Variants in B3GNT3 observed in about 807,000 individuals in gnomAD.
B3GNT3 encodes the protein UDP-GlcNAc:betaGal beta-1,3-N-acetylglucosaminyltransferase 3.
In B3GNT3, 7 loss-of-function variants were observed where a neutral mutation model predicts 11.6. The observed-to-expected ratio is 0.60, with a 90% CI of 0.34 to 1.13. The LOEUF (loss-of-function observed/expected upper bound fraction) is 1.13, where lower values mean the gene tolerates loss of function less well. Ranked by LOEUF, B3GNT3 falls within the 50% of genes most tolerant of loss-of-function variation. The pLI is 0.03. For synonymous variants in B3GNT3, 201 were observed against 222.1 expected, an observed-to-expected ratio of 0.90 and a Z score of 0.85; for missense variants, 400 against 507.4, an observed-to-expected ratio of 0.79 and a Z score of 2.03.
At chr19:17,807,673 A>C in intron 1 of B3GNT3, 85 bp from the exon 2 acceptor site, 1 of 826,850 alleles carries the variant, frequency 1.2e-6, no homozygotes, top group South Asian at 1.9e-5. Context: ...AACCTGAGCA[A>C]CTGTACAGGT....
intron 1 of B3GNT3, among the ~76,000 whole-genome samples, chr19:17,803,180 AT>A (rs1428789551): frequency 6.6e-6 from 1 of 151,852 alleles, no homozygotes; most frequent in East Asian, 1.9e-4. Flanking sequence ...TAATTTTTGT[AT>A]TTTTAGTAGA....
At position 17,812,080 on chromosome 19, in the gene B3GNT3, C is replaced by G. The variant is rs2094181858; in HGVS notation, c.1077C>G (p.Asn359Lys). The change falls in exon 3 of 3, where the codon AAC becomes AAG. Residue 359 changes from asparagine (N) to lysine (K), a missense_variant. Coordinates refer to ENST00000318683, the MANE Select transcript of B3GNT3 (RefSeq NM_014256.4). ...TGCTGCTCATGTGGGATGCGCTGAA[C>G]CAGCCCAACCTCACCTGCGGCAATC... ...YEMLLMWDAL[N>K]QPNLTCGNQT... 6.3e-7 allele frequency: 1 copy of G among 1,598,336 alleles called. No homozygotes were observed. The highest frequency in any genetic ancestry group is 1.3e-5 in the African/African-American group (1 of 74,890).
Position 17,811,661 on chromosome 19 carries a change from A to G in B3GNT3, c.658A>G (p.Met220Val), listed in dbSNP as rs142379648. 3,238 of 1,614,166 alleles carry G rather than the reference A, an allele frequency of 2.0e-3. 7 individuals carry two copies. The highest frequency in any genetic ancestry group is 2.3e-3 in the Non-Finnish European group (2,668 of 1,180,022). ...TGACGTCTTTGCACACACAGACAAC[A>G]TGGTCTTCTACCTGCAGGACCATGA... ...DDDVFAHTDN[M>V]VFYLQDHDPG... The change falls in exon 3 of 3, where the codon ATG becomes GTG. Residue 220 changes from methionine (M) to valine (V), a missense_variant. Physicochemically the swap from Met to Val is conservative, Grantham distance 21. Coordinates refer to ENST00000318683, the MANE Select transcript of B3GNT3 (RefSeq NM_014256.4). The surrounding 1 kb of genome is among the most constrained non-coding windows in gnomAD (Gnocchi z 4.1).
chr19:17,812,187 C>A lies in B3GNT3; in HGVS notation c.*65C>A. The A allele has an allele frequency of 6.8e-7, 1 of 1,473,286 alleles. No homozygotes were observed. Among genetic ancestry groups the A allele is most frequent in the South Asian group, 1.3e-5 (1 of 74,274 alleles). The allele number at this position is 1,473,286 out of a possible 1,614,324, so 91.3% of individuals were successfully genotyped here. On this transcript the variant is annotated 3_prime_UTR_variant, in exon 3 of 3. Transcript: ENST00000318683. Reference sequence around the variant, plus strand: ...ATAGGAAGGGGCGACACCTTCCTCCCAGGAAGCTGAGACCTTTGTGGTCTG... The same window carrying A: ...ATAGGAAGGGGCGACACCTTCCTCCAAGGAAGCTGAGACCTTTGTGGTCTG...
intron 1 of B3GNT3, among the ~76,000 whole-genome samples, chr19:17,797,862 C>T (rs1298106985): frequency 1.3e-5 from 2 of 152,224 alleles, no homozygotes; most frequent in Non-Finnish European, 2.9e-5. Flanking sequence ...GCAAAAGCAA[C>T]TCCTGCTCCT....
chr19:17,807,640 G>A (rs1599848149), intron 1 of B3GNT3, 118 bp from the exon 2 acceptor site: 1 of 644,426 alleles, frequency 1.6e-6, no homozygotes, highest in Non-Finnish European at 2.6e-6. Context: ...AGTTAAGTGG[G>A]GGGTGAATTT....
At chr19:17,805,585 C>T (rs993397627) in intron 1 of B3GNT3, among the ~76,000 whole-genome samples, 8 of 152,170 alleles carry the variant, frequency 5.3e-5, no homozygotes, top group Admixed American at 2.6e-4. Context: ...GTCCCAACCA[C>T]GTCAGCCTCC....
chr19:17,801,374 G>A (rs1236776002), intron 1 of B3GNT3, among the ~76,000 whole-genome samples: 2 of 151,254 alleles, frequency 1.3e-5, no homozygotes, highest in South Asian at 2.1e-4. Context: ...TGTATTTTTT[G>A]TAGAGATGGG....
intron 2 of B3GNT3, among the ~76,000 whole-genome samples, chr19:17,809,130 G>A (rs915121587): frequency 2.3e-4 from 35 of 151,028 alleles, no homozygotes; most frequent in African/African-American, 8.5e-4. Context: ...CACTGCGCCC[G>A]GCCAACATCT....
At chr19:17,799,048 T>C (rs2094162669) in intron 1 of B3GNT3, among the ~76,000 whole-genome samples, 1 of 152,198 alleles carries the variant, frequency 6.6e-6, no homozygotes, top group Non-Finnish European at 1.5e-5. Context: ...TGCTTGGAGC[T>C]ACCACTTGAC....
chr19:17,812,558 G>T lies in B3GNT3; in HGVS notation c.*436G>T, dbSNP rs531604646. ...AGCCAGAAACTCCTGTGTCCACATA[G>T]AGCTGACGTGAGAAATATCTTTCAG... On this transcript the variant is annotated 3_prime_UTR_variant, in exon 3 of 3. Coordinates refer to ENST00000318683, the MANE Select transcript of B3GNT3 (RefSeq NM_014256.4). 4.6e-5 allele frequency: 8 copies of T among 174,096 alleles called. No individual in the cohort carries two copies. In the South Asian group the frequency reaches 1.1e-3, roughly 25 times the overall value. The allele number at this position is 174,096 out of a possible 1,614,324, so 10.8% of individuals were successfully genotyped here.
chr19:17,799,050 C>T (rs1353371917), intron 1 of B3GNT3, among the ~76,000 whole-genome samples: 1 of 152,204 alleles, frequency 6.6e-6, no homozygotes, highest in Admixed American at 6.5e-5. Context: ...CTTGGAGCTA[C>T]CACTTGACCC....
At position 17,801,178 on chromosome 19, in the gene B3GNT3, C is replaced by G. The variant is rs547574834; in HGVS notation, c.-51+5972C>G. Among the ~76,000 whole-genome samples the G allele has an allele frequency of 7.9e-5, 12 of 152,070 alleles. No homozygotes were observed. The South Asian group carries it at 2.3e-3, about 29-fold the overall frequency. ...TGTTCAGTACTTCACTAACATGCAG[C>G]ACTTTTTTTGTTTGTTTGTTTGTTT... On this transcript the variant is annotated intron_variant, in intron 1 of 2. Transcript: ENST00000318683.
chr19:17,801,039 T>C (rs576119691), intron 1 of B3GNT3, among the ~76,000 whole-genome samples: 15 of 152,138 alleles, frequency 9.9e-5, no homozygotes, highest in Admixed American at 8.5e-4. Context: ...GACTTGCAAC[T>C]TTAAAAAAAA....
At chr19:17,810,480 C>T (rs372296040) in intron 2 of B3GNT3, among the ~76,000 whole-genome samples, 35 of 152,166 alleles carry the variant, frequency 2.3e-4, no homozygotes, top group African/African-American at 8.2e-4. Context: ...ACCCAGCACC[C>T]GTGAAGCACT....
chr19:17,811,465 G>A lies in B3GNT3; in HGVS notation c.568-106G>A, dbSNP rs1021817801. The A allele has an allele frequency of 8.3e-7, 1 of 1,200,478 alleles. No individual in the cohort carries two copies. Among genetic ancestry groups the A allele is most frequent in the South Asian group, 1.6e-5 (1 of 63,406 alleles). 74.4% of individuals were successfully genotyped at this position (1,200,478 alleles called of 1,614,324 possible). A position where few individuals can be genotyped will look rare whatever the true frequency, so the allele number is the denominator to read the frequency against. On this transcript the variant is annotated intron_variant, in intron 2 of 2. Coordinates refer to ENST00000318683, the MANE Select transcript of B3GNT3 (RefSeq NM_014256.4). This position sits in a 1 kb window ranked among gnomAD's most constrained non-coding sequence, Gnocchi z 4.1. ...GCAGGGCCTTAACCCAGGCTGGATT[G>A]TGGACACTTCCTTTCCTGGGCTTAG...
chr19:17,808,241 T>C lies in B3GNT3; in HGVS notation c.434T>C (p.Phe145Ser). ...CGGGGTTTGCAGCTGCGCCTCCTCT[T>C]CCTGGTGGGCACAGCCTCCAACCCG... is the stretch of plus-strand genomic sequence containing the variant. ...KVRGLQLRLLFLVGTASNPHE... is the reference protein window; with the variant it reads ...KVRGLQLRLLSLVGTASNPHE... Residue 145 changes from phenylalanine to serine, a missense_variant, in exon 2 of 3, where the codon TTC becomes TCC. Phe to Ser is a radical substitution (Grantham distance 155). Transcript: ENST00000318683. 1 of 1,613,508 alleles carries C rather than the reference T, an allele frequency of 6.2e-7. No homozygotes were observed. The highest frequency in any genetic ancestry group is 1.1e-5 in the South Asian group (1 of 91,072).
chr19:17,804,662 T>TGA (rs1041795760), intron 1 of B3GNT3, among the ~76,000 whole-genome samples: 1 of 149,300 alleles, frequency 6.7e-6, no homozygotes. Flanking sequence ...CTCAGCCTCC[T>TGA]GAGTAGCTGG....
intron 1 of B3GNT3, among the ~76,000 whole-genome samples, chr19:17,804,227 C>T (rs1263654030): frequency 7.0e-5 from 10 of 142,926 alleles, no homozygotes; most frequent in South Asian, 2.2e-4. Context: ...TCTTTTCTTT[C>T]TTTCTTTTTT....
Sources: allele counts gnomAD v4.1 joint callset (sites outside exome capture counted in the v4.1 genomes callset), GRCh38; gene constraint gnomAD v4.1.1; non-coding constraint Gnocchi (gnomAD v3.1); transcripts MANE v1.5; gene names NCBI Gene and HGNC (gene_info 2026-07-23, HGNC 2026-07-21).